The following PPARGC1B variants were observed in gnomAD, a reference collection of about 807,000 sequenced individuals.
PPARGC1B encodes PPARG coactivator 1 beta, also known as peroxisome proliferator-activated receptor gamma coactivator 1-beta.
Under a neutral mutation model 101.6 loss-of-function variants are expected in PPARGC1B, and 34 were observed. That is an observed-to-expected ratio of 0.33 (90% CI 0.25 to 0.45). PPARGC1B has a LOEUF of 0.45. PPARGC1B is among the 20% of genes least tolerant of loss of function. The pLI, the probability that PPARGC1B is intolerant of heterozygous loss-of-function variation, is 1.00. For missense variants in PPARGC1B, 1,234 were observed against 1,317.6 expected (o/e 0.94, Z 0.98); for synonymous variants, 548 against 539.3 (o/e 1.02, Z -0.22).
intron 1 of PPARGC1B, chr5:149,732,824 C>T (rs750640277): frequency 6.3e-6 from 3 of 478,860 alleles, no homozygotes; most frequent in African/African-American, 5.9e-5. Context: ...CAGAGCCACC[C>T]AGGGCTCCTG....
chr5:149,784,936 C>A, intron 1 of PPARGC1B, among the ~76,000 whole-genome samples: 1 of 152,190 alleles, frequency 6.6e-6, no homozygotes, highest in East Asian at 1.9e-4. Context: ...AGGTCTCCCC[C>A]ATCTGACTGG....
At chr5:149,770,892 A>G (rs1399902169) in intron 1 of PPARGC1B, among the ~76,000 whole-genome samples, 4 of 152,108 alleles carry the variant, frequency 2.6e-5, no homozygotes, top group African/African-American at 7.2e-5. Context: ...TTGGAATAGT[A>G]TGAGACACCT....
intron 6 of PPARGC1B, 150 bp from the exon 7 acceptor site, chr5:149,835,150 TC>T: frequency 1.4e-6 from 1 of 734,202 alleles, no homozygotes; most frequent in Non-Finnish European, 2.4e-6. Context: ...GGATGGGGTT[TC>T]CCCCAGAGCG....
At chr5:149,843,134 C>G (rs1365033152) in intron 10 of PPARGC1B, among the ~76,000 whole-genome samples, 1 of 152,176 alleles carries the variant, frequency 6.6e-6, no homozygotes, top group African/African-American at 2.4e-5. Context: ...CGCCACTGCA[C>G]TCCAGCCTGG....
chr5:149,745,141 T>A (rs1755042133), intron 1 of PPARGC1B, among the ~76,000 whole-genome samples: 1 of 152,114 alleles, frequency 6.6e-6, no homozygotes, highest in South Asian at 2.1e-4. Context: ...GCTCAAGCGA[T>A]CCTATTGCCT....
chr5:149,778,948 T>C (rs547199258), intron 1 of PPARGC1B, among the ~76,000 whole-genome samples: 1 of 152,276 alleles, frequency 6.6e-6, no homozygotes, highest in South Asian at 2.1e-4. Context: ...GCCTAGCATC[T>C]GTGTTTGAGA....
chr5:149,819,485 TTTG>T (rs869233975), intron 1 of PPARGC1B, among the ~76,000 whole-genome samples: 1 of 146,924 alleles, frequency 6.8e-6, no homozygotes, highest in African/African-American at 2.6e-5. Flanking sequence ...TGTTTGTTTG[TTTG>T]TTTTTGTTTT....
intron 1 of PPARGC1B, among the ~76,000 whole-genome samples, chr5:149,818,385 AGGTGGTGGGCAG>A (rs1241917591): frequency 6.6e-6 from 1 of 152,178 alleles, no homozygotes; most frequent in Non-Finnish European, 1.5e-5. Context: ...AAGAATGGGC[AGGTGGTGGGCAG>A]GGTGGTGGGG....
Position 149,730,395 on chromosome 5 carries a change from T to C in PPARGC1B, c.53T>C (p.Phe18Ser). 6.4e-7 allele frequency: 1 copy of C among 1,571,744 alleles called. No individual in the cohort carries two copies. The highest frequency in any genetic ancestry group is 2.4e-5 in the East Asian group (1 of 41,174). ...ALLDEELSSF[F>S]LNYLADTQGG... is the part of the protein sequence containing the mutation. Reference sequence around the variant, plus strand: ...CTGGACGAAGAGCTCTCCTCCTTCTTCCTCAACTATCTCGCTGACACGCAG... The same window carrying C: ...CTGGACGAAGAGCTCTCCTCCTTCTCCCTCAACTATCTCGCTGACACGCAG... The change falls in exon 1 of 12, where the codon TTC becomes TCC. Residue 18 changes from phenylalanine to serine, a missense_variant. By Grantham distance (155) the Phe-to-Ser change is radical (BLOSUM62 -2). Around this residue, in one of 3 missense-constraint regions of PPARGC1B, gnomAD observed 734 missense variants for 768.4 expected, o/e 0.96. Coordinates refer to ENST00000309241, the MANE Select transcript of PPARGC1B (RefSeq NM_133263.4). The surrounding 1 kb of genome is among the most constrained non-coding windows in gnomAD (Gnocchi z 4.0).
chr5:149,830,835 C>G lies in PPARGC1B; in HGVS notation c.534C>G (p.Ala178=), dbSNP rs1758754791. 1 of 1,614,112 alleles carries G rather than the reference C, an allele frequency of 6.2e-7. No individual in the cohort carries two copies. The highest frequency in any genetic ancestry group is 1.3e-5 in the African/African-American group (1 of 74,952). Residue 178 remains alanine (A), a synonymous_variant, in exon 4 of 12, where the codon GCC becomes GCG. Coordinates refer to ENST00000309241, the MANE Select transcript of PPARGC1B (RefSeq NM_133263.4). ...SSSDTQKEGT[A]WRQAGLRSKS... is the part of the protein sequence containing the mutation. ...CTGACACCCAGAAGGAAGGGACCGC[C>G]TGGCGCCAGGCAGGCCTCAGATCTA...
At chr5:149,797,909 A>G (rs559903175) in intron 1 of PPARGC1B, among the ~76,000 whole-genome samples, 13 of 152,064 alleles carry the variant, frequency 8.5e-5, no homozygotes, top group Non-Finnish European at 1.6e-4. Context: ...GACAGAGCAA[A>G]ACTCCATCCC....
intron 2 of PPARGC1B, among the ~76,000 whole-genome samples, chr5:149,821,655 G>A (rs914432304): frequency 6.6e-6 from 1 of 152,130 alleles, no homozygotes; most frequent in Non-Finnish European, 1.5e-5. Flanking sequence ...TGCCGCAAGC[G>A]TCCTCTCCAA....
In PPARGC1B at chr5:149,832,694, G is replaced by C; in HGVS notation, c.621G>C (p.Gln207His). 6.4e-7 allele frequency: 1 copy of C among 1,562,924 alleles called. No homozygotes were observed. The highest frequency in any genetic ancestry group is 1.2e-5 in the South Asian group (1 of 83,564). ...AAGACAAGAAGGCTCCCATGATGCA[G>C]TCTCAGAGCCGAAGTTGTACAGAAC... ...STQDKKAPMM[Q>H]SQSRSCTELH... The change falls in exon 5 of 12, where the codon CAG becomes CAC. Residue 207 changes from glutamine to histidine, a missense_variant. Coordinates refer to ENST00000309241, the MANE Select transcript of PPARGC1B (RefSeq NM_133263.4). This position sits in a 1 kb window ranked among gnomAD's most constrained non-coding sequence, Gnocchi z 4.9.
chr5:149,832,662 A>G lies in PPARGC1B; in HGVS notation c.589A>G (p.Ser197Gly). The G allele has an allele frequency of 6.5e-7, 1 of 1,536,318 alleles. No homozygotes were observed. Among genetic ancestry groups the G allele is most frequent in the Non-Finnish European group, 8.8e-7 (1 of 1,138,704 alleles). The change falls in exon 5 of 12, where the codon AGC becomes GGC. Residue 197 changes from serine (S) to glycine (G), a missense_variant. Ser to Gly is a moderately conservative substitution (Grantham distance 56). Transcript: ENST00000309241. This position sits in a 1 kb window ranked among gnomAD's most constrained non-coding sequence, Gnocchi z 4.9. ...KSQRPCVKADSTQDKKAPMMQ... is the reference protein window; with the variant it reads ...KSQRPCVKADGTQDKKAPMMQ... Reference sequence around the variant, plus strand: ...GGCCTCTCTCCCTCTCTAGGCGGACAGCACCCAAGACAAGAAGGCTCCCAT... The same window carrying G: ...GGCCTCTCTCCCTCTCTAGGCGGACGGCACCCAAGACAAGAAGGCTCCCAT...
intron 1 of PPARGC1B, among the ~76,000 whole-genome samples, chr5:149,742,273 C>A (rs1054140530): frequency 2.0e-5 from 3 of 152,146 alleles, no homozygotes; most frequent in African/African-American, 7.2e-5. Context: ...AAGTGTCTGT[C>A]CCCTCCCTGT....
chr5:149,818,862 G>A (rs1561581593), intron 1 of PPARGC1B: 1 of 456,370 alleles, frequency 2.2e-6, no homozygotes, highest in Non-Finnish European at 4.4e-6. Flanking sequence ...GGCAGATATT[G>A]TTGTTGTCCA....
chr5:149,812,661 C>T (rs1757909551), intron 1 of PPARGC1B, among the ~76,000 whole-genome samples: 1 of 152,212 alleles, frequency 6.6e-6, no homozygotes, highest in Non-Finnish European at 1.5e-5. Flanking sequence ...GCTTCTTTCT[C>T]AGGCAGGCCC....
chr5:149,857,014 CAT>C (rs980354378), downstream of PPARGC1B, among the ~76,000 whole-genome samples: 1 of 152,044 alleles, frequency 6.6e-6, no homozygotes, highest in Non-Finnish European at 1.5e-5. Flanking sequence ...TTAGTTGATC[CAT>C]CCACCTCGGC....
rs1759871918 is a variant in PPARGC1B at position 149,854,106 on chromosome 5, A to G, written c.*6548A>G. 6.6e-6 allele frequency: 1 copy of G among 151,954 alleles called. No homozygotes were observed. The allele number at this position is 151,954 out of a possible 1,614,324, so 9.4% of individuals were successfully genotyped here. A position where few individuals can be genotyped will look rare whatever the true frequency, so the allele number is the denominator to read the frequency against. ...CCTTTCCAGCATTTCCAAATCTTGG[A>G]CTCAAATTATTTTCTCTTGGTGTGA... On this transcript the variant is annotated 3_prime_UTR_variant, in exon 12 of 12. Transcript: ENST00000309241.
Sources: gnomAD v4.1 joint callset for allele counts (sites outside exome capture counted in the v4.1 genomes callset) on GRCh38, gnomAD v4.1.1 for gene constraint, gnomAD v4.1.1 regional missense constraint, Gnocchi (gnomAD v3.1) non-coding constraint, MANE v1.5 for transcripts, NCBI Gene and HGNC (gene_info 2026-07-23, HGNC 2026-07-21) for gene names.